ANGPT1: variants seen among roughly 807,000 people sequenced by gnomAD.
ANGPT1 encodes angiopoietin 1.
A neutral mutation model predicts 62.2 loss-of-function variants in ANGPT1; 17 were observed. The ratio of observed to expected loss-of-function variants is 0.27; its 90% confidence interval spans 0.19 to 0.41. The LOEUF is 0.41. ANGPT1 is among the 10% of genes least tolerant of loss of function. The pLI is 1.00. For missense variants in ANGPT1, 478 were observed against 594.9 expected, an observed-to-expected ratio of 0.80 and a Z score of 2.04; for synonymous variants, 199 against 198.9, an observed-to-expected ratio of 1.00 and a Z score of 0.00.
In ANGPT1 at chr8:107,299,819, C is replaced by T. The variant is rs62643758; in HGVS notation, c.936+3421G>A. Among the ~76,000 whole-genome samples the T allele has an allele frequency of 9.8e-3, 623 of 63,666 alleles. 7 individuals carry two copies. Among genetic ancestry groups the T allele is most frequent in the South Asian group, 0.027 (40 of 1,456 alleles). 41.8% of individuals were successfully genotyped at this position (63,666 alleles called of 152,430 possible). A position where few individuals can be genotyped will look rare whatever the true frequency, so the allele number is the denominator to read the frequency against. On this transcript the variant is annotated intron_variant, in intron 5 of 8. Coordinates refer to ENST00000517746, the MANE Select transcript of ANGPT1 (RefSeq NM_001146.5). The stretch of plus-strand genomic sequence containing the variant: ...AGTTATATCTAGATATACTATATAT[C>T]TAGATATGTAGTTATATCTAGATAT...
chr8:107,332,630 A>C (rs1815450500), intron 3 of ANGPT1, among the ~76,000 whole-genome samples: 1 of 152,186 alleles, frequency 6.6e-6, no homozygotes, highest in Admixed American at 6.5e-5. Flanking sequence ...CTAACCATAA[A>C]ATATTCCTCC....
intron 7 of ANGPT1, among the ~76,000 whole-genome samples, chr8:107,273,107 C>G (rs894346889): frequency 2.6e-5 from 4 of 151,952 alleles, no homozygotes; most frequent in Non-Finnish European, 5.9e-5. Flanking sequence ...TGCTTTGTTA[C>G]CAAAAATTAA....
chr8:107,469,582 A>T (rs1354959538), intron 1 of ANGPT1, among the ~76,000 whole-genome samples: 1 of 152,032 alleles, frequency 6.6e-6, no homozygotes, highest in Non-Finnish European at 1.5e-5. Flanking sequence ...AAGCATTTGC[A>T]GAAAAGTCCA....
chr8:107,279,862 A>G (rs1813959368), intron 7 of ANGPT1, among the ~76,000 whole-genome samples: 1 of 152,116 alleles, frequency 6.6e-6, no homozygotes, highest in Non-Finnish European at 1.5e-5. Flanking sequence ...ATAGTTATCC[A>G]GAGTGCTACG....
At chr8:107,397,710 C>T (rs1816963658) in intron 1 of ANGPT1, among the ~76,000 whole-genome samples, 1 of 152,106 alleles carries the variant, frequency 6.6e-6, no homozygotes, top group Admixed American at 6.6e-5. Context: ...ACTCTTCATA[C>T]TGGAAACATT....
intron 5 of ANGPT1, among the ~76,000 whole-genome samples, chr8:107,299,964 A>AGATATGTAGT (rs1814537948): frequency 1.5e-5 from 2 of 134,834 alleles, no homozygotes; most frequent in Admixed American, 7.5e-5. Context: ...TATATATACT[A>AGATATGTAGT]TATACTAGTT....
At chr8:107,313,035 C>T (rs959633397) in intron 4 of ANGPT1, among the ~76,000 whole-genome samples, 1 of 152,022 alleles carries the variant, frequency 6.6e-6, no homozygotes, top group African/African-American at 2.4e-5. Flanking sequence ...CCCTTTAGAA[C>T]CAAATTTCCA....
At chr8:107,328,751 G>A (rs1037905911) in intron 3 of ANGPT1, among the ~76,000 whole-genome samples, 1 of 151,914 alleles carries the variant, frequency 6.6e-6, no homozygotes, top group Non-Finnish European at 1.5e-5. Context: ...CTTAACTTCT[G>A]AAGAAGCCGA....
rs1479496554 is a variant in ANGPT1, at chr8:107,316,885, T to C, written c.808+5011A>G. On this transcript the variant is annotated intron_variant, in intron 4 of 8. Coordinates refer to ENST00000517746, the MANE Select transcript of ANGPT1 (RefSeq NM_001146.5). ...TTATATTTTAATCCTAGATCAATGA[T>C]TTCCAGCTTTGTAACTTTGGGCAAA... Among the ~76,000 whole-genome samples the C allele has an allele frequency of 5.9e-5, 9 of 152,334 alleles. No individual in the cohort carries two copies. The South Asian group carries it at 1.7e-3, about 28-fold the overall frequency.
intron 7 of ANGPT1, among the ~76,000 whole-genome samples, chr8:107,264,584 C>A (rs2130038375): frequency 6.6e-6 from 1 of 152,186 alleles, no homozygotes; most frequent in African/African-American, 2.4e-5. Flanking sequence ...ACTGCAGGAT[C>A]CAGAAAACAT....
Position 107,497,385 on chromosome 8 carries a change from C to T in ANGPT1, c.174G>A (p.Thr58=), listed in dbSNP as rs373049538. 8 of 1,614,038 alleles carry T rather than the reference C, an allele frequency of 5.0e-6. No homozygotes were observed. In the African/African-American group the frequency reaches 8.0e-5, roughly 16 times the overall value. ...PEHDGNCRES[T]TDQYNTNALQ... ...GAGCGTTTGTGTTGTACTGGTCTGT[C>T]GTACTCTCACGACAGTTGCCATCGT... Residue 58 remains threonine (T), a synonymous_variant, in exon 1 of 9, where the codon ACG becomes ACA. Transcript: ENST00000517746.
chr8:107,341,768 C>G (rs112293390), intron 2 of ANGPT1, among the ~76,000 whole-genome samples: 1 of 151,760 alleles, frequency 6.6e-6, no homozygotes, highest in African/African-American at 2.4e-5. Flanking sequence ...AATAACTCTC[C>G]CAATACAGCT....
At chr8:107,277,270 T>A (rs6469107) in intron 7 of ANGPT1, among the ~76,000 whole-genome samples, 139,579 of 152,134 alleles carry the variant, frequency 0.92, 64,076 homozygotes, top group Middle Eastern at 0.97. Flanking sequence ...GATCTGAAAA[T>A]AATTACCTGC....
At chr8:107,314,611 G>C (rs148468147) in intron 4 of ANGPT1, among the ~76,000 whole-genome samples, 1 of 152,130 alleles carries the variant, frequency 6.6e-6, no homozygotes, top group Non-Finnish European at 1.5e-5. Context: ...GTGCTAGATA[G>C]TGTGGTTCAT....
intron 7 of ANGPT1, 79 bp from the exon 8 acceptor site, chr8:107,264,430 T>C: frequency 6.6e-7 from 1 of 1,517,952 alleles, no homozygotes; most frequent in Non-Finnish European, 8.8e-7. Context: ...TGTTGAATGT[T>C]TGCCTTTTTC....
chr8:107,469,180 C>G (rs1812281950), intron 1 of ANGPT1, among the ~76,000 whole-genome samples: 1 of 151,972 alleles, frequency 6.6e-6, no homozygotes, highest in African/African-American at 2.4e-5. Context: ...TCTCTAGTAT[C>G]TAGGGTTCAC....
chr8:107,300,021 G>A (rs867919773), intron 5 of ANGPT1, among the ~76,000 whole-genome samples: 5 of 136,976 alleles, frequency 3.7e-5, no homozygotes, highest in South Asian at 2.2e-4. Flanking sequence ...ATCTAGATAT[G>A]TAGTTATATC....
chr8:107,336,520 C>G, intron 2 of ANGPT1: 1 of 375,490 alleles, frequency 2.7e-6, no homozygotes, highest in South Asian at 3.9e-5. Flanking sequence ...AAAAACTTAG[C>G]CGGGCGTGGT....
chr8:107,423,827 CTTTTTTTTTTTTT>C (rs869079818), intron 1 of ANGPT1, among the ~76,000 whole-genome samples: 2 of 74,436 alleles, frequency 2.7e-5, no homozygotes, highest in African/African-American at 5.7e-5. Flanking sequence ...CTTTTCCTTT[CTTTTTTTTTTTTT>C]TTTTTTTTTT....
Sources: gnomAD v4.1 joint callset for allele counts (sites outside exome capture counted in the v4.1 genomes callset) on GRCh38, gnomAD v4.1.1 for gene constraint, MANE v1.5 for transcripts, NCBI Gene and HGNC (gene_info 2026-07-23, HGNC 2026-07-21) for gene names.